NAV2: variants seen among roughly 807,000 people sequenced by gnomAD.
The protein encoded by NAV2 is helicase, APC down-regulated 1.
A neutral mutation model predicts 223.2 loss-of-function variants in NAV2; 54 were observed. The observed-to-expected ratio is 0.24, with a 90% CI of 0.19 to 0.30. NAV2 has a LOEUF of 0.30. NAV2 is among the 10% of genes least tolerant of loss of function. The pLI is 1.00. For missense variants in NAV2, 2,806 were observed against 3,147.5 expected, an observed-to-expected ratio of 0.89 and a Z score of 2.60; for synonymous variants, 1,279 against 1,239.3, an observed-to-expected ratio of 1.03 and a Z score of -0.67.
At chr11:19,376,154 G>T (rs1265994052) in intron 1 of NAV2, among the ~76,000 whole-genome samples, 1 of 152,158 alleles carries the variant, frequency 6.6e-6, no homozygotes, top group African/African-American at 2.4e-5. Context: ...CTGGTGTTTA[G>T]AAAGTCTTGT....
chr11:19,501,591 A>G (rs889085034), intron 1 of NAV2, among the ~76,000 whole-genome samples: 8 of 152,064 alleles, frequency 5.3e-5, no homozygotes, highest in Non-Finnish European at 8.8e-5. Flanking sequence ...AACATTTTAT[A>G]TTCTTATAAA....
chr11:19,787,414 T>C (rs1269043775), intron 1 of NAV2, among the ~76,000 whole-genome samples: 1 of 151,384 alleles, frequency 6.6e-6, no homozygotes, highest in Non-Finnish European at 1.5e-5. Flanking sequence ...CTGCACCCGG[T>C]AGAGTGCTGC....
chr11:19,879,876 G>T lies in NAV2; in HGVS notation c.519G>T (p.Arg173Ser). The change falls in exon 5 of 38, where the codon AGG (arginine) becomes AGT (serine). Residue 173 changes from arginine (R) to serine (S), a missense_variant. Physicochemically the swap from Arg to Ser is moderately radical, Grantham distance 110 (BLOSUM62 -1). Coordinates refer to ENST00000349880, the MANE Select transcript of NAV2 (RefSeq NM_145117.5). ...CTCTTTATTGTCTTGCAGAGATCAG[G>T]AATGGAAACCTCAAGGCCATTCTAG... ...NIQGLSAEEIRNGNLKAILGL... is the reference protein window; with the variant it reads ...NIQGLSAEEISNGNLKAILGL... The T allele has an allele frequency of 6.2e-7, 1 of 1,613,942 alleles. No individual in the cohort carries two copies. Among genetic ancestry groups the T allele is most frequent in the African/African-American group, 1.3e-5 (1 of 75,010 alleles).
intron 24 of NAV2, 70 bp from the exon 25 acceptor site, chr11:20,079,994 G>A (rs1316770808): frequency 3.2e-6 from 5 of 1,573,772 alleles, no homozygotes; most frequent in Non-Finnish European, 4.3e-6. Flanking sequence ...TTTGCTTAAA[G>A]GGCAAAATCC....
intron 1 of NAV2, among the ~76,000 whole-genome samples, chr11:19,395,902 T>C (rs571428065): frequency 6.6e-6 from 1 of 152,378 alleles, no homozygotes; most frequent in South Asian, 2.1e-4. Flanking sequence ...GACAGGATGC[T>C]ATTCCTGTAG....
At position 19,544,508 on chromosome 11, in the gene NAV2, T is replaced by G. The variant is rs114391612; in HGVS notation, c.75+193481T>G. ...CTGGATTCTGCCTCCCTGGAGTCCA[T>G]ATTCCACACATGGGAAATTAAAGTC... On this transcript the variant is annotated intron_variant, in intron 1 of 37. Coordinates refer to the NAV2 transcript ENST00000360655. Among the ~76,000 whole-genome samples, 652 of 152,286 alleles carry G rather than the reference T, an allele frequency of 4.3e-3. 6 individuals carry two copies. The highest frequency in any genetic ancestry group is 0.015 in the African/African-American group (622 of 41,560).
intron 1 of NAV2, among the ~76,000 whole-genome samples, chr11:19,483,691 A>T (rs1248272922): frequency 6.6e-6 from 1 of 152,148 alleles, no homozygotes; most frequent in African/African-American, 2.4e-5. Context: ...CTTCACTAAG[A>T]TGGAAAAGGT....
chr11:19,948,349 G>T (rs531081403), intron 9 of NAV2, among the ~76,000 whole-genome samples: 2 of 152,288 alleles, frequency 1.3e-5, no homozygotes, highest in East Asian at 1.9e-4. Flanking sequence ...CTCCCAAAGT[G>T]CTAGGATTAC....
intron 1 of NAV2, among the ~76,000 whole-genome samples, chr11:19,497,037 C>T (rs796199395): frequency 7.2e-5 from 11 of 152,248 alleles, no homozygotes; most frequent in African/African-American, 1.9e-4. Flanking sequence ...GTATAATAGC[C>T]GCCATTGCAT....
At position 19,481,470 on chromosome 11, in the gene NAV2, A is replaced by G. The variant is rs142091004; in HGVS notation, c.75+130443A>G. 6.4e-3 allele frequency among the ~76,000 whole-genome samples: 973 copies of G among 152,304 alleles called. 16 individuals are homozygous for G. The highest frequency in any genetic ancestry group is 0.022 in the African/African-American group (918 of 41,560). ...ATATCCAAGCAGTGGTTAAGAGATG[A>G]CATGCTGAAGGCAGAAAGACTTGGG... On this transcript the variant is annotated intron_variant, in intron 1 of 37. Coordinates refer to the NAV2 transcript ENST00000360655.
chr11:19,843,745 G>C (rs79511935), intron 3 of NAV2, among the ~76,000 whole-genome samples: 39 of 137,668 alleles, frequency 2.8e-4, no homozygotes, highest in African/African-American at 1.1e-3. Flanking sequence ...ATGTTCATTT[G>C]CTTCCAGAAA....
At chr11:19,446,408 C>T (rs555855072) in intron 1 of NAV2, among the ~76,000 whole-genome samples, 1 of 152,204 alleles carries the variant, frequency 6.6e-6, no homozygotes, top group East Asian at 1.9e-4. Flanking sequence ...TGTTCTGTGA[C>T]ATTAACCAAG....
At chr11:20,108,553 G>A (rs912087060) in intron 36 of NAV2, among the ~76,000 whole-genome samples, 8 of 150,522 alleles carry the variant, frequency 5.3e-5, no homozygotes, top group Non-Finnish European at 7.4e-5. Flanking sequence ...AGCAGTTCTC[G>A]TGCCTCAGCC....
chr11:19,665,117 A>C (rs958453282), intron 1 of NAV2, among the ~76,000 whole-genome samples: 1 of 152,174 alleles, frequency 6.6e-6, no homozygotes, highest in Non-Finnish European at 1.5e-5. Context: ...GGCTGAGCTA[A>C]AGGGCTGGGC....
chr11:19,753,614 C>T (rs1016199675), intron 1 of NAV2, among the ~76,000 whole-genome samples: 1 of 152,184 alleles, frequency 6.6e-6, no homozygotes, highest in African/African-American at 2.4e-5. Context: ...ATTGGTCTCC[C>T]CCTGCACGAG....
chr11:19,819,829 G>A (rs764202511), intron 1 of NAV2, among the ~76,000 whole-genome samples: 19 of 152,200 alleles, frequency 1.2e-4, no homozygotes, highest in Non-Finnish European at 2.2e-4. Context: ...ATTGCCCAAA[G>A]CCACAAAGCC....
intron 1 of NAV2, among the ~76,000 whole-genome samples, chr11:19,752,535 T>G (rs1259179119): frequency 2.0e-5 from 3 of 152,224 alleles, no homozygotes; most frequent in African/African-American, 4.8e-5. Context: ...CAATTTCCTT[T>G]TAGTCATTTT....
chr11:19,413,505 G>A (rs1850232705), intron 1 of NAV2, among the ~76,000 whole-genome samples: 1 of 152,136 alleles, frequency 6.6e-6, no homozygotes, highest in African/African-American at 2.4e-5. Flanking sequence ...CACTCTTCAG[G>A]ATATTATCCA....
intron 2 of NAV2, among the ~76,000 whole-genome samples, chr11:19,838,850 C>G (rs2060369863): frequency 6.6e-6 from 1 of 152,188 alleles, no homozygotes; most frequent in African/African-American, 2.4e-5. Context: ...TCTGGAACTC[C>G]TGGCCTCAAG....
Sources: allele counts gnomAD v4.1 joint callset (sites outside exome capture counted in the v4.1 genomes callset), GRCh38; gene constraint gnomAD v4.1.1; transcripts MANE v1.5; gene names NCBI Gene and HGNC (gene_info 2026-07-23, HGNC 2026-07-21).